Variants in SNX29 observed in about 807,000 individuals in gnomAD.
SNX29 encodes the protein sorting nexin 29.
Under a neutral mutation model 102.1 loss-of-function variants are expected in SNX29, and 78 were observed. The observed-to-expected ratio is 0.76, with a 90% confidence interval of 0.64 to 0.92. The LOEUF (loss-of-function observed/expected upper bound fraction) is 0.92, where lower values mean the gene tolerates loss of function less well. SNX29 is among the 40% of genes least tolerant of loss of function. The pLI is 0.00. For synonymous variants in SNX29, 580 were observed against 414.5 expected (o/e 1.40, Z -4.85); for missense variants, 1,280 against 1,061.7 (o/e 1.21, Z -2.86).
intron 13 of SNX29, among the ~76,000 whole-genome samples, chr16:12,155,805 G>A (rs1203773598): frequency 6.6e-6 from 1 of 152,144 alleles, no homozygotes; most frequent in Non-Finnish European, 1.5e-5. Context: ...GAGTCCCAGG[G>A]CCTGTCTTGT....
At chr16:12,343,122 A>T (rs1008717993) in intron 15 of SNX29, among the ~76,000 whole-genome samples, 3 of 152,210 alleles carry the variant, frequency 2.0e-5, no homozygotes, top group African/African-American at 7.2e-5. Context: ...TCTGTGTGCT[A>T]CTTCGAAGGG....
chr16:12,425,619 G>GA (rs1257248575), intron 18 of SNX29, among the ~76,000 whole-genome samples: 7 of 150,828 alleles, frequency 4.6e-5, no homozygotes, highest in Non-Finnish European at 4.4e-5. Context: ...GAGACAAGGG[G>GA]AAAAAAATCC....
intron 20 of SNX29, among the ~76,000 whole-genome samples, chr16:12,558,584 C>T (rs534888109): frequency 2.0e-5 from 3 of 152,342 alleles, no homozygotes; most frequent in Admixed American, 1.3e-4. Context: ...GATCCATACA[C>T]CTGTCACTCT....
intron 16 of SNX29, among the ~76,000 whole-genome samples, chr16:12,360,033 A>T (rs551905265): frequency 6.6e-6 from 1 of 152,310 alleles, no homozygotes; most frequent in South Asian, 2.1e-4. Context: ...CATTTTGGCC[A>T]GGCTGGTCTC....
chr16:12,545,647 C>G (rs1369827004), intron 20 of SNX29: 2 of 152,248 alleles, frequency 1.3e-5, no homozygotes, highest in African/African-American at 2.4e-5. Context: ...TCTGAGTCTA[C>G]ACTATGGCCC....
chr16:12,409,257 G>T (rs924864653), intron 18 of SNX29, among the ~76,000 whole-genome samples: 4 of 152,058 alleles, frequency 2.6e-5, no homozygotes, highest in South Asian at 4.2e-4. Flanking sequence ...GTTTTGCTGG[G>T]TTTTTCTCTT....
intron 20 of SNX29, chr16:12,546,338 G>C (rs1382742490): frequency 6.6e-6 from 1 of 152,246 alleles, no homozygotes; most frequent in Admixed American, 6.5e-5. Flanking sequence ...AGGTTTAATG[G>C]ACTCACAGTT....
At chr16:12,483,673 G>T (rs1013216270) in intron 19 of SNX29, among the ~76,000 whole-genome samples, 9 of 152,138 alleles carry the variant, frequency 5.9e-5, no homozygotes, top group Admixed American at 2.6e-4. Context: ...ACAATTCCAA[G>T]ATCTTGGTGA....
intron 15 of SNX29, among the ~76,000 whole-genome samples, chr16:12,332,822 A>G (rs533999688): frequency 1.8e-3 from 276 of 151,552 alleles, no homozygotes; most frequent in African/African-American, 6.4e-3. Context: ...CTCCTCTTTC[A>G]TTTCGTCTTG....
At chr16:12,081,616 T>G (rs2051883930) in intron 11 of SNX29, 1 of 126,874 alleles carries the variant, frequency 7.9e-6, no homozygotes, top group African/African-American at 3.2e-5. Context: ...GAGGTTGCAG[T>G]GAGCCGAGAT....
At chr16:12,547,610 C>T (rs908853620) in intron 20 of SNX29, among the ~76,000 whole-genome samples, 2 of 152,112 alleles carry the variant, frequency 1.3e-5, no homozygotes, top group Non-Finnish European at 2.9e-5. Flanking sequence ...AAGTCAGCCT[C>T]AGCACCACTA....
At chr16:12,427,089 A>G (rs1343582926) in intron 18 of SNX29, among the ~76,000 whole-genome samples, 3 of 152,230 alleles carry the variant, frequency 2.0e-5, no homozygotes, top group Non-Finnish European at 4.4e-5. Flanking sequence ...AATTATAATT[A>G]AAATGTATAT....
intron 16 of SNX29, chr16:12,367,531 T>C (rs1417493438): frequency 1.3e-5 from 2 of 152,192 alleles, no homozygotes. Flanking sequence ...AAAAACCCCA[T>C]CCCAAGTTTT....
intron 15 of SNX29, among the ~76,000 whole-genome samples, chr16:12,324,846 C>A (rs891625694): frequency 6.6e-6 from 1 of 152,114 alleles, no homozygotes; most frequent in Non-Finnish European, 1.5e-5. Flanking sequence ...CCCAAACACC[C>A]ACTTCTGAAG....
intron 16 of SNX29, among the ~76,000 whole-genome samples, chr16:12,360,889 T>C (rs997405163): frequency 1.3e-5 from 2 of 152,170 alleles, no homozygotes; most frequent in Admixed American, 6.6e-5. Context: ...CTCCAGTCAT[T>C]CTGTGAGTGT....
At chr16:12,541,740 C>G (rs1167825782) in intron 20 of SNX29, among the ~76,000 whole-genome samples, 6 of 152,146 alleles carry the variant, frequency 3.9e-5, no homozygotes, top group South Asian at 2.1e-4. Flanking sequence ...CTTTTCCGTA[C>G]TGTGCCAGCC....
intron 11 of SNX29, among the ~76,000 whole-genome samples, chr16:12,119,797 A>G (rs954437380): frequency 6.6e-6 from 1 of 152,224 alleles, no homozygotes; most frequent in Admixed American, 6.5e-5. Flanking sequence ...GCCTGAGGCA[A>G]GTCACTTCCC....
At chr16:12,118,988 C>G (rs531472584) in intron 11 of SNX29, among the ~76,000 whole-genome samples, 1 of 152,354 alleles carries the variant, frequency 6.6e-6, no homozygotes, top group Non-Finnish European at 1.5e-5. Context: ...ATTACCTTGA[C>G]ATTTCCAAGC....
intron 10 of SNX29, among the ~76,000 whole-genome samples, chr16:12,077,820 C>T (rs1427524815): frequency 1.3e-5 from 2 of 151,976 alleles, no homozygotes; most frequent in African/African-American, 2.4e-5. Flanking sequence ...GGGGTTTTGC[C>T]ATGTTCGCCA....
Sources: gnomAD v4.1 joint callset for allele counts (sites outside exome capture counted in the v4.1 genomes callset) on GRCh38, gnomAD v4.1.1 for gene constraint, MANE v1.5 for transcripts, NCBI Gene and HGNC (gene_info 2026-07-23, HGNC 2026-07-21) for gene names.